Variants in SUMF2 observed in about 807,000 individuals in gnomAD.
SUMF2 encodes the protein sulfatase modifying factor 2, also known as inactive C-alpha-formylglycine-generating enzyme 2.
SUMF2 carries 45 observed loss-of-function variants against 44.8 expected under a neutral mutation model. That is an observed-to-expected ratio of 1.00 (90% CI 0.79 to 1.29). SUMF2 has a LOEUF of 1.29. Among genes scored for constraint, SUMF2 ranks in the 50% most tolerant of loss-of-function variants. The pLI, the probability that SUMF2 is intolerant of heterozygous loss-of-function variation, is 0.00. For synonymous variants in SUMF2, 148 were observed against 150.4 expected (o/e 0.98, Z 0.12); for missense variants, 418 against 389.9 (o/e 1.07, Z -0.61).
chr7:56,085,670 C>T (rs1247104576), downstream of SUMF2, among the ~76,000 whole-genome samples: 1 of 152,050 alleles, frequency 6.6e-6, no homozygotes, highest in East Asian at 1.9e-4. Context: ...GAGATCTTTT[C>T]AAAAGGAAGT....
At chr7:56,081,199 A>AG, downstream of SUMF2, 1 of 1,613,902 alleles carries the variant, frequency 6.2e-7, no homozygotes, top group Non-Finnish European at 8.5e-7. The surrounding 1 kb of genome is among the most constrained non-coding windows in gnomAD (Gnocchi z 4.6). Flanking sequence ...CAGAGGCCGG[A>AG]GGGCATAGGG....
downstream of SUMF2, chr7:56,084,355 G>A: frequency 1.7e-6 from 1 of 585,282 alleles, no homozygotes; most frequent in South Asian, 2.1e-5. Flanking sequence ...AGATCAGAAG[G>A]ACGTGAGTAT....
At chr7:56,081,552 T>C, downstream of SUMF2, 1 of 1,530,304 alleles carries the variant, frequency 6.5e-7, no homozygotes, top group Non-Finnish European at 9.0e-7. This position sits in a 1 kb window ranked among gnomAD's most constrained non-coding sequence, Gnocchi z 4.6. Context: ...TCACGGGGTG[T>C]AAGGACTCCT....
chr7:56,072,186 G>A (rs979279855), intron 2 of SUMF2, among the ~76,000 whole-genome samples: 6 of 151,958 alleles, frequency 3.9e-5, no homozygotes, highest in Non-Finnish European at 7.4e-5. Context: ...AACACTTTGG[G>A]AGGCCACTTT....
chr7:56,074,694 A>G lies in SUMF2; in HGVS notation c.493A>G (p.Thr165Ala). 6.2e-7 allele frequency: 1 copy of G among 1,614,144 alleles called. No homozygotes were observed. Among genetic ancestry groups the G allele is most frequent in the Non-Finnish European group, 8.5e-7 (1 of 1,180,020 alleles). ...TGCTTGGCGGGGAAAACGACTGCCC[A>G]CGGAGGAAGAGTGGGAGTTTGCCGC... ...YCAWRGKRLP[T>A]EEEWEFAARG... is the part of the protein sequence containing the mutation. Residue 165 changes from threonine (T) to alanine (A), a missense_variant, in exon 5 of 9, where the codon ACG (threonine) becomes GCG (alanine). Thr to Ala is a moderately conservative substitution (Grantham distance 58). Coordinates refer to ENST00000434526, the MANE Select transcript of SUMF2 (RefSeq NM_015411.4).
intron 6 of SUMF2, 133 bp downstream of exon 6, chr7:56,077,022 AAAGAC>A (rs991242117): frequency 1.4e-6 from 1 of 719,690 alleles, no homozygotes; most frequent in African/African-American, 1.8e-5. Flanking sequence ...TGGTAAAGCA[AAAGAC>A]AATGGGTCAT....
Position 56,080,356 on chromosome 7 carries a change from T to G in SUMF2, c.*744T>G, listed in dbSNP as rs903670469. ...ACGGCTCACTCTAGCCTTGAATTCC[T>G]GGGCCCAAGCAATTCTCCCACCTCA... is the stretch of plus-strand genomic sequence containing the variant. On this transcript the variant is annotated 3_prime_UTR_variant, in exon 9 of 9. Transcript: ENST00000434526. 6.5e-6 allele frequency: 1 copy of G among 153,364 alleles called. No homozygotes were observed. Among genetic ancestry groups the G allele is most frequent in the African/African-American group, 2.5e-5 (1 of 40,448 alleles). The allele number at this position is 153,364 out of a possible 1,614,324, so 9.5% of individuals were successfully genotyped here.
intron 2 of SUMF2, among the ~76,000 whole-genome samples, 177 bp from the exon 3 acceptor site, chr7:56,072,820 C>T (rs569192996): frequency 2.6e-5 from 4 of 152,280 alleles, no homozygotes; most frequent in Middle Eastern, 3.4e-3. Context: ...TATGTGAATT[C>T]GTTGTATTCT....
intron 2 of SUMF2, among the ~76,000 whole-genome samples, chr7:56,069,312 T>C (rs1389412260): frequency 6.6e-6 from 1 of 151,984 alleles, no homozygotes; most frequent in Non-Finnish European, 1.5e-5. Context: ...GTCCTTTAAA[T>C]TCCCCTTATA....
At position 56,079,539 on chromosome 7, in the gene SUMF2, C is replaced by T. The variant is rs756097114; in HGVS notation, c.833C>T (p.Thr278Ile). Reference protein sequence around the residue: ...RARVTTRMGNTPDSASDNLGF... With the variant: ...RARVTTRMGNIPDSASDNLGF... ...TTCTCTGCTGGCAGGATGGGCAACA[C>T]TCCAGATTCAGCCTCAGACAACCTC... The change falls in exon 9 of 9, where the codon ACT becomes ATT. Residue 278 changes from threonine to isoleucine, a missense_variant. By Grantham distance (89) the Thr-to-Ile change is moderately conservative. Coordinates refer to ENST00000434526, the MANE Select transcript of SUMF2 (RefSeq NM_015411.4). 6.2e-7 allele frequency: 1 copy of T among 1,613,198 alleles called. No individual in the cohort carries two copies. The highest frequency in any genetic ancestry group is 8.5e-7 in the Non-Finnish European group (1 of 1,179,314).
downstream of SUMF2, chr7:56,080,984 C>T (rs143730891): frequency 1.3e-6 from 2 of 1,571,770 alleles, no homozygotes; most frequent in Admixed American, 1.7e-5. Context: ...CGCATCTCAC[C>T]CCTTTGACTT....
At chr7:56,079,268 G>C in intron 8 of SUMF2, 1 of 558,824 alleles carries the variant, frequency 1.8e-6, no homozygotes, top group Non-Finnish European at 3.2e-6. Context: ...GCTCTTCAGT[G>C]CTGTCTCTTG....
chr7:56,072,022 C>A (rs529713950), intron 2 of SUMF2, among the ~76,000 whole-genome samples: 1 of 150,634 alleles, frequency 6.6e-6, no homozygotes, highest in African/African-American at 2.4e-5. Flanking sequence ...GCAAGAGAAT[C>A]GCTTGAACCC....
At chr7:56,078,034 T>C (rs1795681044) in intron 6 of SUMF2, 68 bp from the exon 7 acceptor site, 1 of 1,392,408 alleles carries the variant, frequency 7.2e-7, no homozygotes, top group Non-Finnish European at 9.9e-7. Context: ...TTGGTTTTCC[T>C]CTGGATAGGC....
downstream of SUMF2, chr7:56,083,782 G>T: frequency 8.9e-7 from 1 of 1,126,844 alleles, no homozygotes; most frequent in Non-Finnish European, 1.3e-6. Context: ...CCTGCTCCCA[G>T]AGAGCTGCCT....
At chr7:56,080,923 G>A, downstream of SUMF2, 14 of 1,093,984 alleles carry the variant, frequency 1.3e-5, no homozygotes, top group Non-Finnish European at 1.8e-5. Flanking sequence ...CGTGGCCTCA[G>A]TTCCAGGGGT....
At chr7:56,081,715 G>C (rs748484121), downstream of SUMF2, 1 of 1,613,958 alleles carries the variant, frequency 6.2e-7, no homozygotes, top group Non-Finnish European at 8.5e-7. The surrounding 1 kb of genome is among the most constrained non-coding windows in gnomAD (Gnocchi z 4.6). Context: ...CTCTTCCGCT[G>C]TGTAGCGGTT....
chr7:56,087,822 T>C, the SUMF2 span: 1 of 1,520,170 alleles, frequency 6.6e-7, no homozygotes, highest in Admixed American at 1.7e-5. Flanking sequence ...CCTCACCCCA[T>C]GGGGGGTCCC....
chr7:56,073,330 G>T, intron 3 of SUMF2: 1 of 596,746 alleles, frequency 1.7e-6, no homozygotes, highest in Non-Finnish European at 3.1e-6. Flanking sequence ...TCCAAGTCAG[G>T]ATAGGATCCA....
Sources: gnomAD v4.1 joint callset for allele counts (sites outside exome capture counted in the v4.1 genomes callset) on GRCh38, gnomAD v4.1.1 for gene constraint, Gnocchi (gnomAD v3.1) non-coding constraint, MANE v1.5 for transcripts, NCBI Gene and HGNC (gene_info 2026-07-23, HGNC 2026-07-21) for gene names.